Variants in TRAPPC9 observed in about 807,000 individuals in gnomAD.
The protein encoded by TRAPPC9 is trafficking protein particle complex subunit 9, also known as IKK2 binding protein.
Under a neutral mutation model 124.0 loss-of-function variants are expected in TRAPPC9, and 83 were observed. That is an observed-to-expected ratio of 0.67 (90% CI 0.56 to 0.80). The LOEUF is 0.80. TRAPPC9 is among the 30% of genes least tolerant of loss of function. The pLI is 0.00. For missense variants in TRAPPC9, 1,302 were observed against 1,508.3 expected (o/e 0.86, Z 2.27); for synonymous variants, 638 against 617.5 (o/e 1.03, Z -0.49).
intron 17 of TRAPPC9, among the ~76,000 whole-genome samples, chr8:140,109,424 C>G (rs963768314): frequency 8.5e-5 from 13 of 152,062 alleles, no homozygotes; most frequent in African/African-American, 2.9e-4. Context: ...GGGTCAAGTC[C>G]TAGCAAAATA....
At chr8:140,421,984 CA>C (rs35152459) in intron 5 of TRAPPC9, among the ~76,000 whole-genome samples, 3,084 of 43,714 alleles carry the variant, frequency 0.071, 7 homozygotes, top group African/African-American at 0.13. Flanking sequence ...TCCCTCATGA[CA>C]AAAAAAAAAA....
intron 21 of TRAPPC9, among the ~76,000 whole-genome samples, chr8:139,744,259 G>A (rs571950791): frequency 3.2e-4 from 49 of 152,312 alleles, no homozygotes; most frequent in Non-Finnish European, 4.3e-4. Flanking sequence ...TGGGGGTGAC[G>A]GTGCTGTGAC....
At chr8:140,375,598 T>C (rs2068413904) in intron 7 of TRAPPC9, among the ~76,000 whole-genome samples, 1 of 152,202 alleles carries the variant, frequency 6.6e-6, no homozygotes, top group Non-Finnish European at 1.5e-5. Flanking sequence ...ACAGGGATCA[T>C]CAAATCTAAT....
At chr8:140,014,593 C>A (rs1024592737) in intron 18 of TRAPPC9, among the ~76,000 whole-genome samples, 4 of 152,196 alleles carry the variant, frequency 2.6e-5, no homozygotes, top group Non-Finnish European at 4.4e-5. Flanking sequence ...GTGCAGAGAC[C>A]AAGCTGCGGC....
chr8:140,321,378 A>G (rs565083560), intron 9 of TRAPPC9, among the ~76,000 whole-genome samples: 2 of 152,392 alleles, frequency 1.3e-5, no homozygotes, highest in East Asian at 3.9e-4. Flanking sequence ...TGCCAGGTCC[A>G]TCCAAGACTG....
At chr8:140,247,640 C>T (rs1176458668) in intron 16 of TRAPPC9, among the ~76,000 whole-genome samples, 2 of 151,856 alleles carry the variant, frequency 1.3e-5, no homozygotes. Context: ...CCGTTTCCTT[C>T]TCTGGTGTCT....
intron 21 of TRAPPC9, among the ~76,000 whole-genome samples, chr8:139,762,221 G>A (rs1327860106): frequency 3.3e-5 from 5 of 151,908 alleles, no homozygotes; most frequent in Admixed American, 1.3e-4. Flanking sequence ...CAAGCAGAGC[G>A]GCCCACTGCA....
At chr8:139,943,674 C>T (rs1272790331) in intron 19 of TRAPPC9, among the ~76,000 whole-genome samples, 14 of 152,054 alleles carry the variant, frequency 9.2e-5, no homozygotes, top group Admixed American at 9.2e-4. Flanking sequence ...TGTGGCAATT[C>T]AGGAAAGAAT....
At chr8:140,287,473 C>T in intron 13 of TRAPPC9, 135 bp downstream of exon 13, 1 of 1,270,674 alleles carries the variant, frequency 7.9e-7, no homozygotes, top group East Asian at 2.4e-5. Context: ...TCATGCTTCC[C>T]AAAGAGACAA....
chr8:139,732,442 A>G (rs766976680), intron 21 of TRAPPC9, among the ~76,000 whole-genome samples: 61 of 152,330 alleles, frequency 4.0e-4, no homozygotes, highest in African/African-American at 5.5e-4. Flanking sequence ...CTGCACCCCA[A>G]TGGAGGGGCC....
chr8:140,284,229 G>T (rs1281680626), intron 13 of TRAPPC9, among the ~76,000 whole-genome samples: 2 of 152,196 alleles, frequency 1.3e-5, no homozygotes, highest in African/African-American at 4.8e-5. Context: ...AACAGCATCT[G>T]CATTCCTGTT....
At chr8:139,830,517 T>C (rs1258000821) in intron 21 of TRAPPC9, among the ~76,000 whole-genome samples, 1 of 149,388 alleles carries the variant, frequency 6.7e-6, no homozygotes, top group East Asian at 2.0e-4. Flanking sequence ...CATACACACA[T>C]GAATACATAT....
chr8:140,411,531 G>A (rs28564796), intron 5 of TRAPPC9, among the ~76,000 whole-genome samples: 50 of 152,094 alleles, frequency 3.3e-4, no homozygotes, highest in African/African-American at 1.2e-3. Context: ...TAGTAGAGAC[G>A]GGGTTTTGCC....
At chr8:140,183,884 AAGAAGAGGAGAGGAGAGGAGAGG>A (rs1342027637) in intron 17 of TRAPPC9, among the ~76,000 whole-genome samples, 296 of 28,042 alleles carry the variant, frequency 0.011, 11 homozygotes, top group Middle Eastern at 0.019. Flanking sequence ...GAAGAAGAAG[AAGAAGAGGAGAGGAGAGGAGAGG>A]AGAGGAGAGG....
chr8:139,783,171 A>C (rs549367808), intron 21 of TRAPPC9, among the ~76,000 whole-genome samples: 3 of 152,318 alleles, frequency 2.0e-5, no homozygotes, highest in African/African-American at 7.2e-5. Context: ...AGAAAAGAAA[A>C]GGATGAACAG....
chr8:140,150,068 T>C (rs920794106), intron 17 of TRAPPC9, among the ~76,000 whole-genome samples: 1 of 152,180 alleles, frequency 6.6e-6, no homozygotes, highest in Non-Finnish European at 1.5e-5. Flanking sequence ...GTGTGTCACA[T>C]GATGACAGTG....
intron 21 of TRAPPC9, among the ~76,000 whole-genome samples, chr8:139,741,151 C>T (rs557095406): frequency 6.6e-6 from 1 of 152,294 alleles, no homozygotes; most frequent in South Asian, 2.1e-4. Flanking sequence ...GTGACACTCC[C>T]CATTGGGCAT....
At chr8:140,332,452 G>A (rs1359777882) in intron 9 of TRAPPC9, among the ~76,000 whole-genome samples, 1 of 152,076 alleles carries the variant, frequency 6.6e-6, no homozygotes, top group Non-Finnish European at 1.5e-5. Flanking sequence ...ATTTTCAGTT[G>A]GCTAGAAGAG....
chr8:140,037,919 C>A (rs963020222), intron 17 of TRAPPC9, among the ~76,000 whole-genome samples: 3 of 122,662 alleles, frequency 2.4e-5, no homozygotes, highest in Non-Finnish European at 5.9e-5. Flanking sequence ...CACCCCAGAG[C>A]TTCCCTCGTG....
Sources: allele counts gnomAD v4.1 joint callset (sites outside exome capture counted in the v4.1 genomes callset), GRCh38; gene constraint gnomAD v4.1.1; transcripts MANE v1.5; gene names NCBI Gene and HGNC (gene_info 2026-07-23, HGNC 2026-07-21).